PKIG: variants seen among roughly 807,000 people sequenced by gnomAD.
The protein encoded by PKIG is cAMP-dependent protein kinase inhibitor gamma.
In PKIG, 1 loss-of-function variant was observed where a neutral mutation model predicts 6.8. The ratio of observed to expected loss-of-function variants is 0.15; its 90% CI spans 0.05 to 0.69. The LOEUF is 0.69. Ranked by LOEUF, PKIG falls within the 30% of genes least tolerant of loss-of-function variation. The pLI, the probability that PKIG is intolerant of heterozygous loss-of-function variation, is 0.82. For synonymous variants in PKIG, 39 were observed against 43.0 expected (o/e 0.91, Z 0.36); for missense variants, 77 against 104.0 (o/e 0.74, Z 1.13).
chr20:44,580,038 C>G (rs1378068693), upstream of PKIG, among the ~76,000 whole-genome samples: 1 of 152,176 alleles, frequency 6.6e-6, no homozygotes, highest in Admixed American at 6.5e-5. Context: ...AATACAGGAC[C>G]CTTTTGACTT....
upstream of PKIG, among the ~76,000 whole-genome samples, chr20:44,582,090 A>G (rs1269148947): frequency 6.6e-6 from 1 of 152,128 alleles, no homozygotes; most frequent in East Asian, 1.9e-4. Context: ...CCTCCCCTAC[A>G]TGAAGGACAA....
chr20:44,580,716 T>C (rs1600869644), upstream of PKIG, among the ~76,000 whole-genome samples: 2 of 152,174 alleles, frequency 1.3e-5, no homozygotes, highest in Non-Finnish European at 2.9e-5. Flanking sequence ...AGCCTTCAGA[T>C]TGACAAACTC....
At chr20:44,536,127 A>G (rs1191794594) in intron 1 of PKIG, among the ~76,000 whole-genome samples, 1 of 152,206 alleles carries the variant, frequency 6.6e-6, no homozygotes, top group Non-Finnish European at 1.5e-5. Context: ...CTTGTTGTGT[A>G]GCATGTGTCA....
chr20:44,610,216 CTA>C (rs999594545), intron 2 of PKIG, among the ~76,000 whole-genome samples: 4 of 152,148 alleles, frequency 2.6e-5, no homozygotes, highest in African/African-American at 9.7e-5. Flanking sequence ...TGGCCCTCCT[CTA>C]TTTTACACAG....
At chr20:44,567,717 A>AC (rs1173400202) in intron 1 of PKIG, among the ~76,000 whole-genome samples, 1 of 152,134 alleles carries the variant, frequency 6.6e-6, no homozygotes, top group Non-Finnish European at 1.5e-5. Flanking sequence ...TGGGCAGCAC[A>AC]CCTTCTGGGC....
At chr20:44,565,919 T>C (rs2064806811) in intron 1 of PKIG, among the ~76,000 whole-genome samples, 1 of 152,226 alleles carries the variant, frequency 6.6e-6, no homozygotes, top group Non-Finnish European at 1.5e-5. Context: ...CCCGCCTTCA[T>C]GCTCGGCTAA....
intron 2 of PKIG, among the ~76,000 whole-genome samples, chr20:44,609,188 T>C (rs1274444593): frequency 6.6e-6 from 1 of 152,188 alleles, no homozygotes; most frequent in Non-Finnish European, 1.5e-5. Context: ...CCTGAGGGGA[T>C]ATGGTAGCCA....
At chr20:44,578,078 T>C (rs553019870), upstream of PKIG, among the ~76,000 whole-genome samples, 11 of 151,836 alleles carry the variant, frequency 7.2e-5, no homozygotes, top group South Asian at 4.2e-4. Flanking sequence ...TGGTGGCTCA[T>C]GCCTGTAATC....
At chr20:44,590,227 C>T (rs1011112561) in intron 2 of PKIG, among the ~76,000 whole-genome samples, 2 of 152,178 alleles carry the variant, frequency 1.3e-5, no homozygotes, top group Non-Finnish European at 2.9e-5. Flanking sequence ...CTTTCCTCTC[C>T]ACCAAGTGTT....
chr20:44,590,708 A>T (rs1382736190), intron 2 of PKIG, among the ~76,000 whole-genome samples: 1 of 152,160 alleles, frequency 6.6e-6, no homozygotes, highest in African/African-American at 2.4e-5. Flanking sequence ...GCCTACACCC[A>T]CCTGGACCTT....
At chr20:44,613,582 C>T (rs1232710326) in intron 2 of PKIG, among the ~76,000 whole-genome samples, 2 of 152,180 alleles carry the variant, frequency 1.3e-5, no homozygotes, top group Non-Finnish European at 2.9e-5. Flanking sequence ...CAGCAAACCA[C>T]ACTTCTGTCC....
chr20:44,617,100 C>T (rs914999417), intron 3 of PKIG, among the ~76,000 whole-genome samples: 1 of 152,198 alleles, frequency 6.6e-6, no homozygotes, highest in African/African-American at 2.4e-5. Context: ...CATATCATGA[C>T]CCTAGTTACA....
intron 2 of PKIG, among the ~76,000 whole-genome samples, chr20:44,610,498 T>TCACACACACACACACACACACACA (rs1379954369): frequency 1.2e-4 from 14 of 119,630 alleles, no homozygotes; most frequent in South Asian, 1.1e-3. Flanking sequence ...TCTCTCTCTC[T>TCACACACACACACACACACACACA]CTCACACACA....
intron 1 of PKIG, among the ~76,000 whole-genome samples, chr20:44,544,513 A>G (rs149222893): frequency 1.3e-5 from 2 of 152,280 alleles, no homozygotes; most frequent in East Asian, 1.9e-4. Context: ...CTGTTTCACC[A>G]TGCTTATCAC....
chr20:44,546,314 T>G (rs76629300), intron 1 of PKIG, among the ~76,000 whole-genome samples: 2,768 of 152,098 alleles, frequency 0.018, 89 homozygotes, highest in African/African-American at 0.064. Flanking sequence ...ATTTGGAAAA[T>G]AAACATGCAT....
chr20:44,596,956 G>T (rs1568828355), intron 2 of PKIG, among the ~76,000 whole-genome samples: 2 of 152,134 alleles, frequency 1.3e-5, no homozygotes, highest in Non-Finnish European at 2.9e-5. Context: ...CCCATTCACT[G>T]CTCCCCAGCC....
chr20:44,608,955 C>T (rs2065190685), intron 2 of PKIG, among the ~76,000 whole-genome samples: 1 of 152,194 alleles, frequency 6.6e-6, no homozygotes, highest in Non-Finnish European at 1.5e-5. Flanking sequence ...TGTCAAGTCA[C>T]TGCCCAAGGA....
chr20:44,574,291 C>A (rs540680031), intron 1 of PKIG, among the ~76,000 whole-genome samples: 17 of 152,134 alleles, frequency 1.1e-4, no homozygotes, highest in Admixed American at 1.1e-3. Context: ...TCCTTTTAGG[C>A]GTTTGATCTA....
chr20:44,617,729 G>T (rs182138613), intron 3 of PKIG, among the ~76,000 whole-genome samples: 2 of 152,194 alleles, frequency 1.3e-5, no homozygotes, highest in East Asian at 3.9e-4. Context: ...GAGCTGGCCT[G>T]GTTCAGTGCT....
Sources: gnomAD v4.1 joint callset for allele counts (sites outside exome capture counted in the v4.1 genomes callset) on GRCh38, gnomAD v4.1.1 for gene constraint, MANE v1.5 for transcripts, NCBI Gene and HGNC (gene_info 2026-07-23, HGNC 2026-07-21) for gene names.